The following SLC16A12 variants were observed in gnomAD, a reference collection of about 807,000 sequenced individuals.
SLC16A12 encodes the protein solute carrier family 16 member 12.
A neutral mutation model predicts 42.4 loss-of-function variants in SLC16A12; 17 were observed. The ratio of observed to expected loss-of-function variants is 0.40; its 90% CI spans 0.27 to 0.60. The LOEUF (loss-of-function observed/expected upper bound fraction) is 0.60. Ranked by LOEUF, SLC16A12 falls within the 20% of genes least tolerant of loss-of-function variation. The pLI is 0.42. For missense variants in SLC16A12, 544 were observed against 623.0 expected (o/e 0.87, Z 1.35); for synonymous variants, 224 against 229.4 (o/e 0.98, Z 0.21).
chr10:89,443,767 G>T lies in SLC16A12; in HGVS notation c.293C>A (p.Thr98Asn). 6.2e-7 allele frequency: 1 copy of T among 1,612,374 alleles called. No homozygotes were observed. The highest frequency in any genetic ancestry group is 8.5e-7 in the Non-Finnish European group (1 of 1,178,412). ...AWIHSIVDCV[T>N]MLCAPLGSVV... ...TAAGTAATACTCACCACAGAGCATG[G>T]TCACACAATCTACAATGGAATGGAT... The change falls in exon 4 of 8, where the codon ACC becomes AAC. Residue 98 changes from threonine (T) to asparagine (N), a missense_variant. Coordinates refer to ENST00000371790, the MANE Select transcript of SLC16A12 (RefSeq NM_213606.4).
intron 2 of SLC16A12, among the ~76,000 whole-genome samples, chr10:89,522,923 T>C (rs933779205): frequency 1.3e-5 from 2 of 152,234 alleles, no homozygotes; most frequent in Non-Finnish European, 2.9e-5. Context: ...AGACCTTAGA[T>C]GGGATTTTCC....
At chr10:89,509,942 C>T (rs981815491) in intron 2 of SLC16A12, among the ~76,000 whole-genome samples, 1 of 152,050 alleles carries the variant, frequency 6.6e-6, no homozygotes, top group Non-Finnish European at 1.5e-5. Flanking sequence ...TCCTATACAC[C>T]GATAACAGAC....
At chr10:89,436,707 G>A (rs1011349681) in intron 6 of SLC16A12, among the ~76,000 whole-genome samples, 35 of 151,364 alleles carry the variant, frequency 2.3e-4, no homozygotes, top group Non-Finnish European at 4.4e-4. Flanking sequence ...TGGCTTCCCT[G>A]GGCCACATTG....
Position 89,430,589 on chromosome 10 carries a change from A to G in SLC16A12, c.*2475T>C. 2.2e-6 allele frequency: 1 copy of G among 458,048 alleles called. No individual in the cohort carries two copies. The highest frequency in any genetic ancestry group is 4.5e-6 in the Non-Finnish European group (1 of 224,200). 28.4% of individuals were successfully genotyped at this position (458,048 alleles called of 1,614,324 possible). ...GTTTTGAAATAAACAGTATAGACAC[A>G]TGGAACATTAACACTAAAATTCTGT... On this transcript the variant is annotated 3_prime_UTR_variant, in exon 8 of 8. Coordinates refer to ENST00000371790, the MANE Select transcript of SLC16A12 (RefSeq NM_213606.4).
intron 2 of SLC16A12, among the ~76,000 whole-genome samples, chr10:89,543,046 T>C (rs1193541473): frequency 2.0e-5 from 3 of 152,238 alleles, no homozygotes; most frequent in East Asian, 3.8e-4. Flanking sequence ...AACAGCATCA[T>C]TGAAGGTCCA....
intron 2 of SLC16A12, among the ~76,000 whole-genome samples, chr10:89,480,933 A>T (rs1194142672): frequency 6.6e-6 from 1 of 152,132 alleles, no homozygotes; most frequent in African/African-American, 2.4e-5. Context: ...CTTCCACCGA[A>T]ATTCTTTACA....
At chr10:89,443,162 A>G (rs1171187524) in intron 4 of SLC16A12, among the ~76,000 whole-genome samples, 3 of 152,196 alleles carry the variant, frequency 2.0e-5, no homozygotes, top group Admixed American at 2.0e-4. Flanking sequence ...TTACACCCAT[A>G]ATGAATATGT....
intron 2 of SLC16A12, among the ~76,000 whole-genome samples, chr10:89,490,904 G>A (rs1037350608): frequency 6.6e-6 from 1 of 152,072 alleles, no homozygotes; most frequent in Non-Finnish European, 1.5e-5. Context: ...AAAAGCTCAG[G>A]CTGGATGAAG....
intron 3 of SLC16A12, among the ~76,000 whole-genome samples, chr10:89,460,420 G>A (rs1464534087): frequency 1.3e-5 from 2 of 151,998 alleles, no homozygotes; most frequent in Non-Finnish European, 1.5e-5. Flanking sequence ...CTCTTACAGA[G>A]GTCTTCTTAA....
chr10:89,515,124 CAAAACAAAAA>C (rs1358223569), intron 2 of SLC16A12, among the ~76,000 whole-genome samples: 10 of 147,362 alleles, frequency 6.8e-5, no homozygotes, highest in Admixed American at 6.7e-4. Context: ...CAAAACAAAA[CAAAACAAAAA>C]AAAAAGAAAA....
upstream of SLC16A12, among the ~76,000 whole-genome samples, chr10:89,540,194 G>C (rs1485504148): frequency 6.6e-6 from 1 of 151,892 alleles, no homozygotes; most frequent in Non-Finnish European, 1.5e-5. Flanking sequence ...GATTACCTAG[G>C]TTCAAGAGAT....
chr10:89,456,457 C>G (rs777946338), intron 3 of SLC16A12, among the ~76,000 whole-genome samples: 10 of 152,082 alleles, frequency 6.6e-5, no homozygotes, highest in Non-Finnish European at 1.2e-4. Context: ...TAAGTATCAA[C>G]CCAACTCAAG....
chr10:89,434,529 G>A (rs1320435545), intron 7 of SLC16A12, among the ~76,000 whole-genome samples: 1 of 152,120 alleles, frequency 6.6e-6, no homozygotes, highest in Non-Finnish European at 1.5e-5. Flanking sequence ...AACTGAACAG[G>A]GTTTTGTCAT....
At chr10:89,478,091 C>T (rs754997498) in intron 2 of SLC16A12, among the ~76,000 whole-genome samples, 1 of 152,100 alleles carries the variant, frequency 6.6e-6, no homozygotes, top group South Asian at 2.1e-4. Flanking sequence ...TCAAGTAGAA[C>T]TTAATAAAGG....
intron 2 of SLC16A12, among the ~76,000 whole-genome samples, chr10:89,546,808 A>G (rs1843744600): frequency 6.6e-6 from 1 of 152,256 alleles, no homozygotes; most frequent in African/African-American, 2.4e-5. Context: ...GATAGACTGG[A>G]TAAAGAAAAT....
chr10:89,499,484 G>A (rs1470080087), intron 2 of SLC16A12, among the ~76,000 whole-genome samples: 2 of 152,166 alleles, frequency 1.3e-5, no homozygotes, highest in Admixed American at 1.3e-4. Flanking sequence ...AACCTGGGAG[G>A]TGGAGGTTAC....
intron 2 of SLC16A12, among the ~76,000 whole-genome samples, chr10:89,512,843 G>C (rs976645198): frequency 1.3e-5 from 2 of 152,218 alleles, no homozygotes; most frequent in African/African-American, 4.8e-5. Context: ...TTGGGTCAAA[G>C]TATGGGTGCC....
chr10:89,456,884 T>C (rs768163082), intron 3 of SLC16A12, among the ~76,000 whole-genome samples: 22 of 152,176 alleles, frequency 1.4e-4, no homozygotes, highest in Non-Finnish European at 2.5e-4. Context: ...CATGATCTTA[T>C]TCCTTTTTAT....
upstream of SLC16A12, among the ~76,000 whole-genome samples, chr10:89,539,909 CTTTTTTCT>C (rs1843704000): frequency 2.9e-5 from 4 of 137,048 alleles, no homozygotes; most frequent in African/African-American, 8.4e-5. Flanking sequence ...TTCTTTCTTT[CTTTTTTCT>C]TTTTTTCTTT....
Sources: allele counts gnomAD v4.1 joint callset (sites outside exome capture counted in the v4.1 genomes callset), GRCh38; gene constraint gnomAD v4.1.1; transcripts MANE v1.5; gene names NCBI Gene and HGNC (gene_info 2026-07-23, HGNC 2026-07-21).